Variants in TXLNB observed in about 807,000 individuals in gnomAD.
The protein encoded by TXLNB is beta-taxilin.
Under a neutral mutation model 57.4 loss-of-function variants are expected in TXLNB, and 37 were observed. The observed-to-expected ratio is 0.64, with a 90% confidence interval of 0.50 to 0.85. TXLNB has a LOEUF of 0.85. TXLNB is among the 40% of genes least tolerant of loss of function. The pLI is 0.00. For synonymous variants in TXLNB, 302 were observed against 309.6 expected (o/e 0.98, Z 0.26); for missense variants, 848 against 825.6 (o/e 1.03, Z -0.33).
At chr6:139,291,684 T>C (rs1006198960) in intron 1 of TXLNB, among the ~76,000 whole-genome samples, 3 of 152,262 alleles carry the variant, frequency 2.0e-5, no homozygotes, top group Admixed American at 2.0e-4. Context: ...TTTTATCTTA[T>C]ATAAACTTTA....
chr6:139,183,480 TTTTG>T, the TXLNB span: 1 of 152,212 alleles, frequency 6.6e-6, no homozygotes, highest in South Asian at 2.1e-4. Flanking sequence ...AAGTTAATTT[TTTTG>T]TTGTTGCTTT....
the TXLNB span, among the ~76,000 whole-genome samples, chr6:139,228,741 C>T: frequency 1.3e-5 from 2 of 152,104 alleles, no homozygotes; most frequent in Non-Finnish European, 2.9e-5. Flanking sequence ...ACTTGGTACA[C>T]GTGGGCGAGC....
chr6:139,226,887 C>T, the TXLNB span, among the ~76,000 whole-genome samples: 1 of 151,880 alleles, frequency 6.6e-6, no homozygotes, highest in African/African-American at 2.4e-5. Flanking sequence ...ATTAGCTAGG[C>T]ATGGTGGTGC....
chr6:139,252,645 A>G (rs1776237386), intron 7 of TXLNB, among the ~76,000 whole-genome samples: 1 of 152,210 alleles, frequency 6.6e-6, no homozygotes, highest in Non-Finnish European at 1.5e-5. Context: ...CTACAGCTGA[A>G]TAGCATCTTG....
intron 2 of TXLNB, among the ~76,000 whole-genome samples, chr6:139,281,041 G>GATTT (rs577626653): frequency 6.6e-6 from 1 of 151,922 alleles, no homozygotes; most frequent in African/African-American, 2.4e-5. Context: ...CTAGTTGAGT[G>GATTT]ATTTATTTAT....
the TXLNB span, among the ~76,000 whole-genome samples, chr6:139,175,569 G>C: frequency 6.6e-6 from 1 of 152,190 alleles, no homozygotes; most frequent in African/African-American, 2.4e-5. Flanking sequence ...AAATAAGGAA[G>C]TGAAAGAACT....
At chr6:139,209,521 G>A in the TXLNB span, among the ~76,000 whole-genome samples, 4 of 151,286 alleles carry the variant, frequency 2.6e-5, no homozygotes, top group African/African-American at 7.3e-5. Context: ...AATCATGTAT[G>A]TAGACCAATG....
Position 139,242,573 on chromosome 6 carries a change from G to T in TXLNB, c.2008C>A (p.Pro670Thr), listed in dbSNP as rs760484813. 16 of 1,523,386 alleles carry T rather than the reference G, an allele frequency of 1.1e-5. No individual in the cohort carries two copies. The Admixed American group carries it at 2.4e-4, about 23-fold the overall frequency. The allele number at this position is 1,523,386 out of a possible 1,614,324, so 94.4% of individuals were successfully genotyped here. The change falls in exon 10 of 10, where the codon CCC (proline) becomes ACC (threonine). Residue 670 changes from proline (P) to threonine (T), a missense_variant. Coordinates refer to ENST00000358430, the MANE Select transcript of TXLNB (RefSeq NM_153235.4). ...GTGTCAGCCACGTTGCGCGGCTGGG[G>T]CCCAGCTGAGGCCCCTACTGGCAGC... ...EELPVGASAGPQPRNVADTNL... is the reference protein window; with the variant it reads ...EELPVGASAGTQPRNVADTNL...
chr6:139,176,854 C>G, the TXLNB span: 2 of 754,766 alleles, frequency 2.6e-6, no homozygotes, highest in Non-Finnish European at 4.6e-6. This position sits in a 1 kb window ranked among gnomAD's most constrained non-coding sequence, Gnocchi z 4.5. Context: ...AGCCCTTGAT[C>G]AGTTTCCCAG....
At chr6:139,196,023 C>T in the TXLNB span, among the ~76,000 whole-genome samples, 3 of 152,028 alleles carry the variant, frequency 2.0e-5, no homozygotes. Context: ...GTGAATGACA[C>T]CAGACCTCAA....
intron 2 of TXLNB, chr6:139,283,019 G>A (rs1777089915): frequency 6.9e-6 from 1 of 145,648 alleles, no homozygotes; most frequent in Non-Finnish European, 1.5e-5. Flanking sequence ...GAGGATGCGA[G>A]TAGGAGAACA....
rs1777238479 is a variant in TXLNB, at chr6:139,288,745, T to G, written c.155A>C (p.His52Pro). Residue 52 changes from histidine to proline, a missense_variant, in exon 2 of 10, where the codon CAC (histidine) becomes CCC (proline). His to Pro is a moderately conservative substitution (Grantham distance 77, BLOSUM62 -2). Transcript: ENST00000358430. ...VQPPEKEASV[H>P]PDISEELNRQ... ...ATTCAGCTCTTCAGAGATATCGGGG[T>G]GCACACTTGCCTCTTTCTCTGGTGG... is the stretch of plus-strand genomic sequence containing the variant. 1.9e-6 allele frequency: 3 copies of G among 1,614,066 alleles called. No homozygotes were observed. The highest frequency in any genetic ancestry group is 2.7e-5 in the African/African-American group (2 of 74,920).
At chr6:139,212,108 A>G in the TXLNB span, among the ~76,000 whole-genome samples, 51 of 152,168 alleles carry the variant, frequency 3.4e-4, 1 homozygote, top group African/African-American at 1.2e-3. Flanking sequence ...CCAACATTCA[A>G]ATTCAGGAAA....
chr6:139,313,460 C>CTACA, the TXLNB span, among the ~76,000 whole-genome samples: 1 of 152,140 alleles, frequency 6.6e-6, no homozygotes, highest in Non-Finnish European at 1.5e-5. Context: ...GTTTCCTCCC[C>CTACA]TACAGAGTTT....
At chr6:139,246,030 G>A (rs12528106) in intron 8 of TXLNB, among the ~76,000 whole-genome samples, 12,808 of 152,194 alleles carry the variant, frequency 0.084, 590 homozygotes, top group Middle Eastern at 0.11. Flanking sequence ...ATCTTTTTAA[G>A]AATGTGGTGA....
chr6:139,200,582 T>C, the TXLNB span, among the ~76,000 whole-genome samples: 1 of 152,134 alleles, frequency 6.6e-6, no homozygotes, highest in Non-Finnish European at 1.5e-5. Context: ...AGGTAAGAGA[T>C]GCTGGTGACC....
At chr6:139,302,021 A>AAT in the TXLNB span, among the ~76,000 whole-genome samples, 7 of 151,972 alleles carry the variant, frequency 4.6e-5, no homozygotes, top group South Asian at 4.1e-4. Context: ...AGCAAACAAA[A>AAT]ATATATATAT....
the TXLNB span, among the ~76,000 whole-genome samples, chr6:139,171,002 G>A: frequency 6.6e-6 from 1 of 152,134 alleles, no homozygotes; most frequent in Non-Finnish European, 1.5e-5. Context: ...CAGATAAATG[G>A]TGCAAGAGTA....
chr6:139,314,455 C>A, the TXLNB span, among the ~76,000 whole-genome samples: 1 of 152,204 alleles, frequency 6.6e-6, no homozygotes, highest in African/African-American at 2.4e-5. Flanking sequence ...CCTATAAGCT[C>A]CTGCTTCAAG....
Sources: gnomAD v4.1 joint callset for allele counts (sites outside exome capture counted in the v4.1 genomes callset) on GRCh38, gnomAD v4.1.1 for gene constraint, Gnocchi (gnomAD v3.1) non-coding constraint, MANE v1.5 for transcripts, NCBI Gene and HGNC (gene_info 2026-07-23, HGNC 2026-07-21) for gene names.